The following LIN28A variants were observed in gnomAD, a reference collection of about 807,000 sequenced individuals.
The protein encoded by LIN28A is lin-28 RNA binding posttranscriptional regulator A.
LIN28A carries 11 observed loss-of-function variants against 21.1 expected under a neutral mutation model. The ratio of observed to expected loss-of-function variants is 0.52; its 90% CI spans 0.33 to 0.86. The LOEUF is 0.86. LIN28A is among the 40% of genes least tolerant of loss of function. LIN28A has a pLI of 0.03. For missense variants in LIN28A, 219 were observed against 279.8 expected, an observed-to-expected ratio of 0.78 and a Z score of 1.55; for synonymous variants, 111 against 108.7, an observed-to-expected ratio of 1.02 and a Z score of -0.13.
intron 2 of LIN28A, among the ~76,000 whole-genome samples, chr1:26,421,242 A>C (rs1293179904): frequency 6.6e-6 from 1 of 152,216 alleles, no homozygotes; most frequent in African/African-American, 2.4e-5. Flanking sequence ...TTCATTCAAA[A>C]ATGTGCTAGG....
At position 26,428,364 on chromosome 1, in the gene LIN28A, C is replaced by G. The variant is rs1330466193; in HGVS notation, c.*1906C>G. Reference sequence around the variant, plus strand: ...TTCTGTCCTAAAAACTTGTCTTCTACCCTGCCCTCTTTTCTGTTCACCCCC... The same window carrying G: ...TTCTGTCCTAAAAACTTGTCTTCTAGCCTGCCCTCTTTTCTGTTCACCCCC... On this transcript the variant is annotated 3_prime_UTR_variant, in exon 4 of 4. Coordinates refer to ENST00000326279, the MANE Select transcript of LIN28A (RefSeq NM_024674.6). 2 of 148,670 alleles carry G rather than the reference C, an allele frequency of 1.3e-5. No individual in the cohort carries two copies. Among genetic ancestry groups the G allele is most frequent in the Non-Finnish European group, 1.5e-5 (1 of 66,724 alleles). The allele number at this position is 148,670 out of a possible 1,614,324, so 9.2% of individuals were successfully genotyped here. A position where few individuals can be genotyped will look rare whatever the true frequency, so the allele number is the denominator to read the frequency against.
intron 2 of LIN28A, among the ~76,000 whole-genome samples, chr1:26,414,701 T>C (rs1209218338): frequency 6.6e-6 from 1 of 152,224 alleles, no homozygotes; most frequent in Non-Finnish European, 1.5e-5. Flanking sequence ...TTCAGCACTA[T>C]TGACATGTTT....
intron 2 of LIN28A, among the ~76,000 whole-genome samples, chr1:26,423,573 C>T (rs2075040882): frequency 6.6e-6 from 1 of 151,526 alleles, no homozygotes; most frequent in South Asian, 2.1e-4. Context: ...CCACGCCTGG[C>T]TAATTTTGTA....
intron 2 of LIN28A, among the ~76,000 whole-genome samples, chr1:26,420,783 C>T (rs892361983): frequency 2.6e-5 from 4 of 152,072 alleles, no homozygotes; most frequent in African/African-American, 4.8e-5. Context: ...ATCCCTTTTG[C>T]TTCTCCATTT....
chr1:26,413,354 A>G (rs1201921581), intron 2 of LIN28A, among the ~76,000 whole-genome samples: 1 of 152,074 alleles, frequency 6.6e-6, no homozygotes, highest in East Asian at 1.9e-4. Context: ...GGTGATATAC[A>G]TACCCCAAGG....
intron 3 of LIN28A, 85 bp from the exon 4 acceptor site, chr1:26,426,157 C>A: frequency 1.8e-6 from 2 of 1,088,748 alleles, no homozygotes; most frequent in Non-Finnish European, 2.8e-6. Context: ...AAACCTGTAC[C>A]AGAGCCCAGG....
chr1:26,419,707 C>T (rs2075017406), intron 2 of LIN28A, among the ~76,000 whole-genome samples: 1 of 152,120 alleles, frequency 6.6e-6, no homozygotes, highest in African/African-American at 2.4e-5. Flanking sequence ...GTATTTACTC[C>T]ATTTTATAGA....
At position 26,411,620 on chromosome 1, in the gene LIN28A, G is replaced by T. The variant is rs776823074; in HGVS notation, c.228+38G>T. On this transcript the variant is annotated intron_variant, in intron 2 of 3. Transcript: ENST00000326279. The surrounding 1 kb of genome is among the most constrained non-coding windows in gnomAD (Gnocchi z 5.4). ...CCGGTAACTTTGCCCAGGGAAGGGC[G>T]TCTAGGCGCCCATATCCACGGGTGG... 3.1e-6 allele frequency: 5 copies of T among 1,592,658 alleles called. No individual in the cohort carries two copies. Among genetic ancestry groups the T allele is most frequent in the Non-Finnish European group, 4.3e-6 (5 of 1,171,122 alleles).
chr1:26,411,974 T>C lies in LIN28A; in HGVS notation c.228+392T>C, dbSNP rs2074962985. ...GGGCCTAAGCCGGGAGCCCAGCTCCTCCAACGTCTGAATGGAGCTCAGAAG... is the reference window on the plus strand; with the variant it reads ...GGGCCTAAGCCGGGAGCCCAGCTCCCCCAACGTCTGAATGGAGCTCAGAAG... On this transcript the variant is annotated intron_variant, in intron 2 of 3. Transcript: ENST00000326279. This position sits in a 1 kb window ranked among gnomAD's most constrained non-coding sequence, Gnocchi z 5.4. 6.6e-6 allele frequency among the ~76,000 whole-genome samples: 1 copy of C among 152,202 alleles called. No homozygotes were observed. Among genetic ancestry groups the C allele is most frequent in the South Asian group, 2.1e-4 (1 of 4,834 alleles).
At chr1:26,416,435 T>A (rs757811683) in intron 2 of LIN28A, among the ~76,000 whole-genome samples, 1 of 152,226 alleles carries the variant, frequency 6.6e-6, no homozygotes, top group Non-Finnish European at 1.5e-5. Context: ...TTTTTGAACA[T>A]TGCTAATCAC....
At chr1:26,423,471 G>A (rs1425367017) in intron 2 of LIN28A, among the ~76,000 whole-genome samples, 3 of 122,412 alleles carry the variant, frequency 2.5e-5, no homozygotes, top group Non-Finnish European at 3.2e-5. Flanking sequence ...GTAGAATGGC[G>A]CAATCTTGGC....
rs755305206 is a variant in LIN28A at position 26,413,825 on chromosome 1, CTTT to C, written c.228+2260_228+2262del. 1.9e-3 allele frequency among the ~76,000 whole-genome samples: 189 copies of C among 100,384 alleles called. 2 individuals carry two copies. Among genetic ancestry groups the C allele is most frequent in the African/African-American group, 7.3e-3 (177 of 24,326 alleles). 65.9% of individuals were successfully genotyped at this position (100,384 alleles called of 152,430 possible). ...TGTTTGTTTGTTTGTTTGTTTGTTG[CTTT>C]TTTTTTTTTTTTTTTTGAGATGGTG... On this transcript the variant is annotated intron_variant, in intron 2 of 3. Transcript: ENST00000326279.
Position 26,411,541 on chromosome 1 carries a change from G to T in LIN28A, c.187G>T (p.Gly63Trp). Residue 63 changes from glycine to tryptophan, a missense_variant, in exon 2 of 4, where the codon GGG becomes TGG. By Grantham distance (184) the Gly-to-Trp change is radical (BLOSUM62 -2). Coordinates refer to ENST00000326279, the MANE Select transcript of LIN28A (RefSeq NM_024674.6). This position sits in a 1 kb window ranked among gnomAD's most constrained non-coding sequence, Gnocchi z 5.4. Reference protein sequence around the residue: ...FGFLSMTARAGVALDPPVDVF... With the variant: ...FGFLSMTARAWVALDPPVDVF... ...CTTCCTGTCCATGACCGCCCGCGCC[G>T]GGGTCGCGCTCGACCCCCCAGTGGA... The T allele has an allele frequency of 6.2e-7, 1 of 1,613,828 alleles. No individual in the cohort carries two copies.
intron 2 of LIN28A, among the ~76,000 whole-genome samples, chr1:26,415,767 G>A (rs1030218464): frequency 2.0e-5 from 3 of 152,072 alleles, no homozygotes; most frequent in Non-Finnish European, 4.4e-5. Context: ...ATCACCACTC[G>A]GAGCCCAGAG....
intron 2 of LIN28A, among the ~76,000 whole-genome samples, chr1:26,412,832 G>A (rs1219482305): frequency 1.3e-5 from 2 of 152,064 alleles, no homozygotes. Context: ...AACAAACAAG[G>A]GAAATAGACG....
intron 2 of LIN28A, among the ~76,000 whole-genome samples, chr1:26,424,059 C>T (rs898868421): frequency 6.6e-6 from 1 of 151,514 alleles, no homozygotes; most frequent in Admixed American, 6.6e-5. Flanking sequence ...GCGCACCCGG[C>T]CTTTTTTTTT....
intron 2 of LIN28A, among the ~76,000 whole-genome samples, chr1:26,421,401 T>TA (rs2075028016): frequency 6.6e-6 from 1 of 152,214 alleles, no homozygotes; most frequent in Admixed American, 6.5e-5. Context: ...CCAATTTTTT[T>TA]AAAGCAACAA....
chr1:26,417,721 AAGTGGTTAGAATGCCACTTAGCCTAC>A, intron 2 of LIN28A, among the ~76,000 whole-genome samples: 1 of 152,212 alleles, frequency 6.6e-6, no homozygotes, highest in South Asian at 2.1e-4. Flanking sequence ...ACAACACGTA[AAGTGGTTAGAATGCCACTTAGCCTAC>A]AGTAAGAATC....
chr1:26,412,547 C>T (rs915946018), intron 2 of LIN28A, among the ~76,000 whole-genome samples: 9 of 152,154 alleles, frequency 5.9e-5, no homozygotes, highest in African/African-American at 2.2e-4. Context: ...TTGCTTGCTG[C>T]CTATGGCCCT....
Sources: gnomAD v4.1 joint callset for allele counts (sites outside exome capture counted in the v4.1 genomes callset) on GRCh38, gnomAD v4.1.1 for gene constraint, Gnocchi (gnomAD v3.1) non-coding constraint, MANE v1.5 for transcripts, NCBI Gene and HGNC (gene_info 2026-07-23, HGNC 2026-07-21) for gene names.